The following PCNX1 variants were observed in gnomAD, a reference collection of about 807,000 sequenced individuals.
The protein encoded by PCNX1 is pecanex-like protein 1.
In PCNX1, 78 loss-of-function variants were observed where a neutral mutation model predicts 242.2. The ratio of observed to expected loss-of-function variants is 0.32; its 90% confidence interval spans 0.27 to 0.39. The LOEUF (loss-of-function observed/expected upper bound fraction) is 0.39. Among genes scored for constraint, PCNX1 ranks in the 10% least tolerant of loss-of-function variants. The pLI is 1.00. For missense variants in PCNX1, 2,581 were observed against 2,856.5 expected (o/e 0.90, Z 2.20); for synonymous variants, 1,024 against 1,032.9 (o/e 0.99, Z 0.17).
chr14:70,962,171 A>G, intron 2 of PCNX1, 55 bp from the exon 3 acceptor site: 3 of 1,037,136 alleles, frequency 2.9e-6, no homozygotes, highest in Non-Finnish European at 4.5e-6. Context: ...ACAAAGGAAA[A>G]GCATTGGAGT....
chr14:70,992,863 T>C (rs1405271707), intron 7 of PCNX1, among the ~76,000 whole-genome samples: 2 of 152,134 alleles, frequency 1.3e-5, no homozygotes, highest in Non-Finnish European at 2.9e-5. Context: ...TATGTGAAAA[T>C]AATGGACTTT....
intron 9 of PCNX1, among the ~76,000 whole-genome samples, chr14:71,010,119 G>A (rs909932052): frequency 2.0e-5 from 3 of 151,892 alleles, no homozygotes; most frequent in African/African-American, 7.2e-5. Flanking sequence ...AAAACTTAAG[G>A]TAGAATTTTT....
intron 20 of PCNX1, among the ~76,000 whole-genome samples, chr14:71,045,680 T>C (rs911071356): frequency 2.0e-5 from 3 of 152,208 alleles, no homozygotes; most frequent in Non-Finnish European, 4.4e-5. Context: ...TTTAACTTAA[T>C]GCGTAGGGAG....
intron 2 of PCNX1, among the ~76,000 whole-genome samples, chr14:70,960,839 A>G (rs1223579158): frequency 7.2e-5 from 11 of 151,992 alleles, no homozygotes; most frequent in African/African-American, 2.4e-4. Context: ...AAATCAATGT[A>G]CAAAAATCAC....
intron 1 of PCNX1, among the ~76,000 whole-genome samples, chr14:70,935,296 G>A (rs1360229859): frequency 6.6e-6 from 1 of 152,064 alleles, no homozygotes; most frequent in African/African-American, 2.4e-5. Flanking sequence ...CCTGTAATCC[G>A]AGCACTTTGC....
At chr14:71,101,928 C>G (rs2062473254) in intron 30 of PCNX1, 62 bp from the exon 31 acceptor site, 8 of 874,904 alleles carry the variant, frequency 9.1e-6, no homozygotes, top group East Asian at 2.7e-5. Flanking sequence ...CACTTAGTAA[C>G]TGTAGAAGTT....
chr14:70,910,036 C>G (rs2055760412), intron 1 of PCNX1, among the ~76,000 whole-genome samples: 3 of 75,816 alleles, frequency 4.0e-5, no homozygotes, highest in South Asian at 7.2e-4. Flanking sequence ...CTCCTCCCTC[C>G]TCCTCCTCCT....
chr14:71,109,538 AG>A lies in PCNX1; in HGVS notation c.6832del (p.Ala2278LeufsTer19), dbSNP rs2062711674. 1 of 1,614,046 alleles carries A rather than the reference AG, an allele frequency of 6.2e-7. No homozygotes were observed. The highest frequency in any genetic ancestry group is 8.5e-7 in the Non-Finnish European group (1 of 1,180,014). On this transcript the variant is annotated frameshift_variant, in exon 35 of 36. Transcript: ENST00000304743. LOFTEE classifies it high-confidence loss of function. ...QWPDEGIRLK[A>X]GRNSWKDWSP... ...GGCCTGATGAAGGAATCCGGTTAAA[AG>A]CTGGGAGAAATAGCTGGAAAGACTG...
At chr14:70,936,073 A>T (rs1408302770) in intron 1 of PCNX1, among the ~76,000 whole-genome samples, 2 of 152,200 alleles carry the variant, frequency 1.3e-5, no homozygotes, top group Non-Finnish European at 2.9e-5. Context: ...TTTGTTTTTC[A>T]TAATGAATAT....
At chr14:71,032,373 T>C (rs999414470) in intron 16 of PCNX1, among the ~76,000 whole-genome samples, 2 of 152,226 alleles carry the variant, frequency 1.3e-5, no homozygotes, top group Non-Finnish European at 2.9e-5. Flanking sequence ...GCTCTGCCAC[T>C]TAACTGGACA....
intron 28 of PCNX1, among the ~76,000 whole-genome samples, chr14:71,079,011 C>T (rs2061785199): frequency 6.6e-6 from 1 of 152,112 alleles, no homozygotes; most frequent in Non-Finnish European, 1.5e-5. Context: ...CCCCCTACAC[C>T]CCGACAGGCC....
In PCNX1 at chr14:70,941,023, G is replaced by A. The variant is rs2057219591; in HGVS notation, c.154-5892G>A. On this transcript the variant is annotated intron_variant, in intron 1 of 35. Coordinates refer to ENST00000304743, the MANE Select transcript of PCNX1 (RefSeq NM_014982.3). ...CATTGTTTATTCTAGTTAGCCATTTGTCTAATCTTTTTTCAAGGTTTTTAG... is the reference window on the plus strand; with the variant it reads ...CATTGTTTATTCTAGTTAGCCATTTATCTAATCTTTTTTCAAGGTTTTTAG... Among the ~76,000 whole-genome samples, 3 of 152,178 alleles carry A rather than the reference G, an allele frequency of 2.0e-5. No homozygotes were observed. In the South Asian group the frequency reaches 6.2e-4, roughly 32 times the overall value.
intron 24 of PCNX1, among the ~76,000 whole-genome samples, chr14:71,054,488 G>A (rs1251178648): frequency 6.6e-6 from 1 of 152,142 alleles, no homozygotes; most frequent in Non-Finnish European, 1.5e-5. Context: ...TTTAATTTTT[G>A]CTTGAAAATT....
chr14:71,035,991 C>A, intron 18 of PCNX1, 74 bp from the exon 19 acceptor site: 3 of 977,324 alleles, frequency 3.1e-6, no homozygotes, highest in Non-Finnish European at 4.7e-6. Context: ...TTAAACTTTG[C>A]CAATTGGGAA....
chr14:71,063,825 A>G (rs1380230601), intron 26 of PCNX1, among the ~76,000 whole-genome samples: 1 of 152,090 alleles, frequency 6.6e-6, no homozygotes, highest in African/African-American at 2.4e-5. Context: ...AAACCCATTC[A>G]TATTTCTCAT....
At chr14:71,096,601 A>G (rs1462406942) in intron 30 of PCNX1, among the ~76,000 whole-genome samples, 1 of 152,226 alleles carries the variant, frequency 6.6e-6, no homozygotes, top group Admixed American at 6.5e-5. Flanking sequence ...TCTAAAAGAT[A>G]GCACATCATA....
chr14:70,907,537 T>C lies in PCNX1; in HGVS notation c.-314T>C, dbSNP rs1013083933. On this transcript the variant is annotated 5_prime_UTR_variant, in exon 1 of 36. Coordinates refer to ENST00000304743, the MANE Select transcript of PCNX1 (RefSeq NM_014982.3). ...AGTGGGGGCGCTGGCGGGCCGCGGGTGGCGGGGGCCGGGCCGCGGCTCCGG... is the reference window on the plus strand; with the variant it reads ...AGTGGGGGCGCTGGCGGGCCGCGGGCGGCGGGGGCCGGGCCGCGGCTCCGG... The C allele has an allele frequency of 6.8e-6, 1 of 148,146 alleles. No individual in the cohort carries two copies. The highest frequency in any genetic ancestry group is 2.1e-4 in the East Asian group (1 of 4,674). The allele number at this position is 148,146 out of a possible 1,614,324, so 9.2% of individuals were successfully genotyped here. A position where few individuals can be genotyped will look rare whatever the true frequency, so the allele number is the denominator to read the frequency against.
chr14:71,085,841 A>C (rs76353752), intron 28 of PCNX1: 1 of 346,442 alleles, frequency 2.9e-6, no homozygotes, highest in Non-Finnish European at 5.8e-6. Flanking sequence ...TTCCTTATCA[A>C]TAAGGATCAG....
intron 1 of PCNX1, among the ~76,000 whole-genome samples, chr14:70,913,008 CT>C (rs910021676): frequency 1.3e-5 from 2 of 152,122 alleles, no homozygotes; most frequent in African/African-American, 4.8e-5. Context: ...GGTTCCCTCT[CT>C]TTTTTTTCAT....
Sources: allele counts gnomAD v4.1 joint callset (sites outside exome capture counted in the v4.1 genomes callset), GRCh38; gene constraint gnomAD v4.1.1; transcripts MANE v1.5; gene names NCBI Gene and HGNC (gene_info 2026-07-23, HGNC 2026-07-21).